The following CTNNA3 variants were observed in gnomAD, a reference collection of about 807,000 sequenced individuals.
CTNNA3 encodes the protein catenin alpha 3, also known as catenin alpha-3.
Under a neutral mutation model 95.7 loss-of-function variants are expected in CTNNA3, and 76 were observed. That is an observed-to-expected ratio of 0.79 (90% CI 0.66 to 0.96). The LOEUF (loss-of-function observed/expected upper bound fraction) is 0.96, where lower values mean the gene tolerates loss of function less well. Among genes scored for constraint, CTNNA3 ranks in the 40% least tolerant of loss-of-function variants. The pLI, the probability that CTNNA3 is intolerant of heterozygous loss-of-function variation, is 0.00. For missense variants in CTNNA3, 1,191 were observed against 1,089.8 expected, an observed-to-expected ratio of 1.09 and a Z score of -1.31; for synonymous variants, 431 against 374.4, an observed-to-expected ratio of 1.15 and a Z score of -1.74.
intron 9 of CTNNA3, among the ~76,000 whole-genome samples, chr10:66,654,126 A>T (rs1340228030): frequency 6.6e-6 from 1 of 152,124 alleles, no homozygotes; most frequent in Non-Finnish European, 1.5e-5. Flanking sequence ...TATGCTAAAA[A>T]GTTTCTTCAC....
intron 3 of CTNNA3, among the ~76,000 whole-genome samples, chr10:67,572,176 T>C (rs960488633): frequency 4.6e-5 from 7 of 152,248 alleles, no homozygotes; most frequent in Admixed American, 4.6e-4. Context: ...TTTTACATTT[T>C]AAATATTTGA....
intron 17 of CTNNA3, among the ~76,000 whole-genome samples, chr10:65,948,205 C>T (rs866758331): frequency 2.0e-5 from 3 of 147,380 alleles, no homozygotes; most frequent in African/African-American, 7.6e-5. Flanking sequence ...GGCATGACCC[C>T]GGGAGGCGGA....
chr10:67,012,785 C>T (rs982385574), intron 7 of CTNNA3, among the ~76,000 whole-genome samples: 9 of 152,010 alleles, frequency 5.9e-5, no homozygotes, highest in South Asian at 4.2e-4. Context: ...TTGGAATTCA[C>T]GAGTGTTTGT....
chr10:65,937,909 A>G (rs893753766), intron 17 of CTNNA3, among the ~76,000 whole-genome samples: 30 of 152,136 alleles, frequency 2.0e-4, no homozygotes, highest in African/African-American at 7.2e-4. Context: ...AAGGAGTGAG[A>G]GAAGAATGCT....
intron 12 of CTNNA3, among the ~76,000 whole-genome samples, chr10:66,283,034 A>C (rs1190793157): frequency 6.6e-6 from 1 of 151,938 alleles, no homozygotes; most frequent in East Asian, 1.9e-4. Context: ...ATGCAGGCTT[A>C]TAGGAACATT....
At chr10:66,623,745 AGTGCTATT>A (rs1844833759) in intron 9 of CTNNA3, among the ~76,000 whole-genome samples, 1 of 152,132 alleles carries the variant, frequency 6.6e-6, no homozygotes, top group Non-Finnish European at 1.5e-5. Context: ...GTGCAGTTTT[AGTGCTATT>A]GTGTACAAAC....
chr10:66,460,528 TC>T lies in CTNNA3; in HGVS notation c.1531+60088del, dbSNP rs1044540796. 4.6e-5 allele frequency among the ~76,000 whole-genome samples: 7 copies of T among 152,078 alleles called. No individual in the cohort carries two copies. In the South Asian group the frequency reaches 1.2e-3, roughly 27 times the overall value. ...ACCATGCTTGTTCTAGAAGGTTTTTTCCCCCTGCCCTCCTACCCCTCCTAAC... is the reference window on the plus strand; with the variant it reads ...ACCATGCTTGTTCTAGAAGGTTTTTTCCCCTGCCCTCCTACCCCTCCTAAC... On this transcript the variant is annotated intron_variant, in intron 11 of 17. Coordinates refer to ENST00000433211, the MANE Select transcript of CTNNA3 (RefSeq NM_013266.4).
chr10:67,742,049 A>G (rs1170889644), intron 1 of CTNNA3, among the ~76,000 whole-genome samples: 1 of 151,158 alleles, frequency 6.6e-6, no homozygotes, highest in Non-Finnish European at 1.5e-5. Flanking sequence ...TTGCCACACA[A>G]TAATAATGGG....
intron 7 of CTNNA3, among the ~76,000 whole-genome samples, chr10:67,016,501 T>C (rs1472123822): frequency 1.3e-5 from 2 of 152,164 alleles, no homozygotes; most frequent in Non-Finnish European, 2.9e-5. Context: ...TGGTAGAGAA[T>C]AGAACGAGGT....
At chr10:66,213,275 G>A (rs1025004727) in intron 13 of CTNNA3, among the ~76,000 whole-genome samples, 2 of 151,976 alleles carry the variant, frequency 1.3e-5, no homozygotes, top group African/African-American at 2.4e-5. Context: ...ATTTGAAGAT[G>A]AGTGTAGAAA....
At chr10:66,372,932 G>C (rs2092765072) in intron 12 of CTNNA3, among the ~76,000 whole-genome samples, 1 of 152,050 alleles carries the variant, frequency 6.6e-6, no homozygotes, top group Non-Finnish European at 1.5e-5. Context: ...AGATTTGGGT[G>C]GGGACACAGC....
chr10:66,417,120 C>T (rs115284193), intron 11 of CTNNA3, among the ~76,000 whole-genome samples: 2,389 of 152,004 alleles, frequency 0.016, 51 homozygotes, highest in African/African-American at 0.053. Context: ...AAAAAATGAT[C>T]CAACTACATG....
chr10:66,256,254 A>T (rs1488862540), intron 13 of CTNNA3, among the ~76,000 whole-genome samples: 1 of 152,330 alleles, frequency 6.6e-6, no homozygotes, highest in African/African-American at 2.4e-5. Flanking sequence ...ATGCAAATTT[A>T]GACCCCCAAA....
At chr10:66,845,723 A>ATAAATAAATAAATAAAT (rs1564719878) in intron 7 of CTNNA3, among the ~76,000 whole-genome samples, 1 of 86,408 alleles carries the variant, frequency 1.2e-5, no homozygotes, top group Non-Finnish European at 2.7e-5. Flanking sequence ...AAAAAAAAAA[A>ATAAATAAATAAATAAAT]AAAAAACTAA....
chr10:67,146,294 T>C (rs575286007), intron 7 of CTNNA3, among the ~76,000 whole-genome samples: 1 of 152,328 alleles, frequency 6.6e-6, no homozygotes, highest in South Asian at 2.1e-4. Context: ...TGATAACCTA[T>C]AGATACATAG....
At chr10:67,607,354 GTTAT>G (rs59092017) in intron 2 of CTNNA3, among the ~76,000 whole-genome samples, 13,122 of 152,106 alleles carry the variant, frequency 0.086, 1,296 homozygotes, top group African/African-American at 0.24. Context: ...AGACGATAGT[GTTAT>G]TTGTTATTAA....
chr10:67,149,534 G>A (rs1239396078), intron 7 of CTNNA3, among the ~76,000 whole-genome samples: 3 of 152,130 alleles, frequency 2.0e-5, no homozygotes, highest in South Asian at 2.1e-4. Flanking sequence ...GCAGTGAGCC[G>A]AGATTGCGCC....
At chr10:67,755,879 T>G (rs1029955693) in intron 1 of CTNNA3, among the ~76,000 whole-genome samples, 2 of 151,864 alleles carry the variant, frequency 1.3e-5, no homozygotes, top group Non-Finnish European at 2.9e-5. Flanking sequence ...ACTCCCATGT[T>G]TATCAAAGCA....
At chr10:65,932,295 T>C (rs939444001) in intron 17 of CTNNA3, among the ~76,000 whole-genome samples, 10 of 152,232 alleles carry the variant, frequency 6.6e-5, no homozygotes, top group African/African-American at 2.4e-4. Context: ...GTCATTACTA[T>C]GATTGTCAAG....
Sources: allele counts gnomAD v4.1 joint callset (sites outside exome capture counted in the v4.1 genomes callset), GRCh38; gene constraint gnomAD v4.1.1; transcripts MANE v1.5; gene names NCBI Gene and HGNC (gene_info 2026-07-23, HGNC 2026-07-21).